FMNL2: variants seen among roughly 807,000 people sequenced by gnomAD.
The protein encoded by FMNL2 is formin-like protein 2.
FMNL2 carries 51 observed loss-of-function variants against 130.2 expected under a neutral mutation model. The observed-to-expected ratio is 0.39, with a 90% CI of 0.31 to 0.49. The LOEUF is 0.49. Among genes scored for constraint, FMNL2 ranks in the 20% least tolerant of loss-of-function variants. FMNL2 has a pLI of 0.85. For missense variants in FMNL2, 977 were observed against 1,316.2 expected (o/e 0.74, Z 3.99); for synonymous variants, 465 against 467.1 (o/e 1.00, Z 0.06).
At chr2:152,516,327 A>G (rs1166891187) in intron 1 of FMNL2, among the ~76,000 whole-genome samples, 1 of 152,216 alleles carries the variant, frequency 6.6e-6, no homozygotes, top group Non-Finnish European at 1.5e-5. Flanking sequence ...AATTTTTTAA[A>G]GTAATGACTC....
chr2:152,473,810 G>T (rs1689984962), intron 1 of FMNL2, among the ~76,000 whole-genome samples: 1 of 152,168 alleles, frequency 6.6e-6, no homozygotes, highest in African/African-American at 2.4e-5. Flanking sequence ...CTTGGACCAT[G>T]GAGTATTTGT....
intron 15 of FMNL2, chr2:152,620,869 G>A: frequency 1.1e-6 from 1 of 930,924 alleles, no homozygotes; most frequent in Non-Finnish European, 1.3e-6. Context: ...AAACTGTCAG[G>A]GAAACAAGAT....
At chr2:152,365,143 G>A (rs1683437578) in intron 1 of FMNL2, among the ~76,000 whole-genome samples, 1 of 152,182 alleles carries the variant, frequency 6.6e-6, no homozygotes. Flanking sequence ...TGTATTAAAT[G>A]GGAGCCTAGA....
intron 9 of FMNL2, among the ~76,000 whole-genome samples, chr2:152,599,838 A>T (rs982603654): frequency 6.6e-6 from 1 of 152,190 alleles, no homozygotes; most frequent in Non-Finnish European, 1.5e-5. Context: ...GTTTCAGAGC[A>T]TTTCAGCTGG....
rs182993545 is a variant in FMNL2, at chr2:152,506,438, T to A, written c.118-15505T>A. On this transcript the variant is annotated intron_variant, in intron 1 of 25. Coordinates refer to ENST00000288670, the MANE Select transcript of FMNL2 (RefSeq NM_052905.4). ...TGTCTAGATTACTTATAATACCTGA[T>A]ATAGTATAAATGTTATGTAAATAGT... Among the ~76,000 whole-genome samples the A allele has an allele frequency of 4.2e-4, 26 of 61,368 alleles. No individual in the cohort carries two copies. The East Asian group carries it at 5.3e-3, about 13-fold the overall frequency. The allele number at this position is 61,368 out of a possible 152,430, so 40.3% of individuals were successfully genotyped here. A position where few individuals can be genotyped will look rare whatever the true frequency, so the allele number is the denominator to read the frequency against.
At chr2:152,627,400 C>A (rs1681864045) in intron 17 of FMNL2, among the ~76,000 whole-genome samples, 1 of 152,176 alleles carries the variant, frequency 6.6e-6, no homozygotes, top group African/African-American at 2.4e-5. Context: ...GTGATGAAGA[C>A]ATTATTAAAT....
intron 13 of FMNL2, among the ~76,000 whole-genome samples, chr2:152,618,124 T>C (rs1483191937): frequency 6.6e-6 from 1 of 152,180 alleles, no homozygotes; most frequent in African/African-American, 2.4e-5. Context: ...ACCCTTTCAC[T>C]AGAACCTCTA....
At chr2:152,592,731 G>A (rs1697506947) in intron 9 of FMNL2, among the ~76,000 whole-genome samples, 1 of 152,152 alleles carries the variant, frequency 6.6e-6, no homozygotes, top group Non-Finnish European at 1.5e-5. Flanking sequence ...AGAGCTCAGA[G>A]CAAATGGGCC....
chr2:152,375,787 T>C (rs1684119502), intron 1 of FMNL2, among the ~76,000 whole-genome samples: 1 of 151,506 alleles, frequency 6.6e-6, no homozygotes, highest in Non-Finnish European at 1.5e-5. Context: ...TCTAGGAGTT[T>C]TCTTATTTTT....
At chr2:152,407,295 A>G (rs567553785) in intron 1 of FMNL2, among the ~76,000 whole-genome samples, 4 of 152,140 alleles carry the variant, frequency 2.6e-5, no homozygotes, top group African/African-American at 4.8e-5. Context: ...CATAACATCA[A>G]TGGAATATGA....
intron 2 of FMNL2, among the ~76,000 whole-genome samples, chr2:152,539,767 A>C (rs1694199962): frequency 6.6e-6 from 1 of 152,198 alleles, no homozygotes; most frequent in African/African-American, 2.4e-5. Context: ...AGTCCCAAAT[A>C]GGAAATGAAA....
intron 1 of FMNL2, among the ~76,000 whole-genome samples, chr2:152,403,194 C>T (rs372444477): frequency 5.3e-5 from 8 of 149,720 alleles, no homozygotes; most frequent in East Asian, 3.9e-4. Flanking sequence ...GCGGAGGTAG[C>T]GTTTGCCAAG....
At chr2:152,392,273 T>C (rs1275260664) in intron 1 of FMNL2, among the ~76,000 whole-genome samples, 1 of 152,180 alleles carries the variant, frequency 6.6e-6, no homozygotes, top group Non-Finnish European at 1.5e-5. Context: ...ATTTAGTGGA[T>C]GATTTCAGTG....
intron 1 of FMNL2, among the ~76,000 whole-genome samples, chr2:152,513,090 G>A (rs546434398): frequency 6.6e-6 from 1 of 152,170 alleles, no homozygotes; most frequent in South Asian, 2.1e-4. Flanking sequence ...ACAGAAAAAT[G>A]GTATATTTTA....
At chr2:152,408,287 T>A (rs1254357881) in intron 1 of FMNL2, among the ~76,000 whole-genome samples, 1 of 152,208 alleles carries the variant, frequency 6.6e-6, no homozygotes, top group Non-Finnish European at 1.5e-5. Flanking sequence ...CTACCTTGTA[T>A]CTTTATCGTA....
chr2:152,453,474 G>A (rs1005016140), intron 1 of FMNL2, among the ~76,000 whole-genome samples: 2 of 152,176 alleles, frequency 1.3e-5, no homozygotes, highest in Non-Finnish European at 2.9e-5. Context: ...AGGAGGGGAC[G>A]ATCCAGTTTG....
rs1309601721 is a variant in FMNL2, at chr2:152,649,578, G to C, written c.*1673G>C. On this transcript the variant is annotated 3_prime_UTR_variant, in exon 26 of 26. Transcript: ENST00000288670. ...TCAACATTCACTTCGATTAAAAATA[G>C]CAATTTGACCAAGTTGGACTTCCAC... The C allele has an allele frequency of 1.3e-5, 2 of 152,542 alleles. No homozygotes were observed. The allele number at this position is 152,542 out of a possible 1,614,324, so 9.4% of individuals were successfully genotyped here. A position where few individuals can be genotyped will look rare whatever the true frequency, so the allele number is the denominator to read the frequency against.
At chr2:152,546,077 T>C (rs1288662598) in intron 3 of FMNL2, among the ~76,000 whole-genome samples, 1 of 152,140 alleles carries the variant, frequency 6.6e-6, no homozygotes, top group African/African-American at 2.4e-5. Flanking sequence ...GTGGACCCTC[T>C]TTTATACTCT....
At chr2:152,471,559 C>T (rs976038747) in intron 1 of FMNL2, among the ~76,000 whole-genome samples, 1 of 152,104 alleles carries the variant, frequency 6.6e-6, no homozygotes, top group African/African-American at 2.4e-5. Flanking sequence ...TGGGGGTGGG[C>T]GTCCGGCGCC....
Sources: gnomAD v4.1 joint callset for allele counts (sites outside exome capture counted in the v4.1 genomes callset) on GRCh38, gnomAD v4.1.1 for gene constraint, MANE v1.5 for transcripts, NCBI Gene and HGNC (gene_info 2026-07-23, HGNC 2026-07-21) for gene names.